Variants in CASK observed in about 807,000 individuals in gnomAD.
CASK encodes the protein peripheral plasma membrane protein CASK.
Under a neutral mutation model 82.9 loss-of-function variants are expected in CASK, and 4 were observed. That is an observed-to-expected ratio of 0.05 (90% confidence interval 0.02 to 0.11). CASK has a LOEUF of 0.11. Among genes scored for constraint, CASK ranks in the 10% least tolerant of loss-of-function variants. The pLI, the probability that CASK is intolerant of heterozygous loss-of-function variation, is 1.00. For missense variants in CASK, 358 were observed against 720.9 expected, an observed-to-expected ratio of 0.50 and a Z score of 5.76; for synonymous variants, 259 against 253.5, an observed-to-expected ratio of 1.02 and a Z score of -0.20.
At chrX:41,614,498 C>T (rs890919260) in intron 11 of CASK, among the ~76,000 whole-genome samples, 4 of 110,526 alleles carry the variant, frequency 3.6e-5, no homozygotes, top group Admixed American at 9.6e-5. Flanking sequence ...TTTGACCATT[C>T]GTCTGTTGAA....
intron 21 of CASK, among the ~76,000 whole-genome samples, chrX:41,549,986 C>A (rs1352786312): frequency 9.2e-6 from 1 of 108,425 alleles, no homozygotes; most frequent in Non-Finnish European, 1.9e-5. Context: ...CTGGTGAAAC[C>A]CTGTCTCTAC....
intron 12 of CASK, among the ~76,000 whole-genome samples, chrX:41,593,972 G>T (rs1161177737): frequency 8.9e-6 from 1 of 111,849 alleles, no homozygotes; most frequent in African/African-American, 3.3e-5. Flanking sequence ...GCAAATGAAA[G>T]GTAGCTGGGT....
chrX:41,592,797 C>T (rs1364025988), intron 12 of CASK, among the ~76,000 whole-genome samples: 3 of 111,750 alleles, frequency 2.7e-5, no homozygotes, highest in African/African-American at 9.8e-5. Flanking sequence ...TTAACATATA[C>T]TCATTCACTT....
chrX:41,601,680 C>G (rs924971607), intron 12 of CASK, among the ~76,000 whole-genome samples: 2 of 111,350 alleles, frequency 1.8e-5, no homozygotes, highest in Non-Finnish European at 3.8e-5. Context: ...CGTAATCCCC[C>G]CAAATTCCCT....
At chrX:41,863,462 A>C (rs989070909) in intron 1 of CASK, among the ~76,000 whole-genome samples, 5 of 112,058 alleles carry the variant, frequency 4.5e-5, no homozygotes, top group African/African-American at 1.6e-4. Context: ...GAAGCCCAGA[A>C]AGGAAAAAGA....
In CASK at chrX:41,561,723, T is replaced by G. The variant is rs1020880215; in HGVS notation, c.1583-79A>C. On this transcript the variant is annotated intron_variant, in intron 16 of 26. Transcript: ENST00000378163. ...CAAAATCCAGAGGCATCAATGTAAT[T>G]TTTAAAAACTAAGTTGAATATTGAG... The G allele has an allele frequency of 4.0e-6, 3 of 749,114 alleles. No individual in the cohort carries two copies. In the African/African-American group the frequency reaches 6.3e-5, roughly 16 times the overall value. The allele number at this position is 749,114 out of a possible 1,213,427, so 61.7% of individuals were successfully genotyped here. A position where few individuals can be genotyped will look rare whatever the true frequency, so the allele number is the denominator to read the frequency against.
At chrX:41,567,755 TTATAAATCATGCTAC>T (rs1365053624) in intron 16 of CASK, among the ~76,000 whole-genome samples, 2 of 111,569 alleles carry the variant, frequency 1.8e-5, no homozygotes, top group East Asian at 5.5e-4. Context: ...ACCTAAAGGA[TTATAAATCATGCTAC>T]TATAAAGACA....
At chrX:41,783,139 T>TAAAAAC (rs760164625) in intron 3 of CASK, among the ~76,000 whole-genome samples, 7 of 108,982 alleles carry the variant, frequency 6.4e-5, no homozygotes, top group Non-Finnish European at 1.2e-4. Flanking sequence ...GTGAGACTGT[T>TAAAAAC]AAAAACAAAA....
intron 2 of CASK, among the ~76,000 whole-genome samples, chrX:41,840,314 TAAG>T (rs896727035): frequency 3.6e-5 from 4 of 112,414 alleles, no homozygotes; most frequent in Non-Finnish European, 7.5e-5. Context: ...TGCTTATACA[TAAG>T]CAGTTCAATT....
At chrX:41,910,784 G>C (rs2072548759) in intron 1 of CASK, among the ~76,000 whole-genome samples, 1 of 112,104 alleles carries the variant, frequency 8.9e-6, no homozygotes, top group African/African-American at 3.2e-5. Context: ...TCCCTCTCCA[G>C]ATACCCACAC....
intron 17 of CASK, among the ~76,000 whole-genome samples, chrX:41,560,225 T>C (rs1418820045): frequency 2.7e-5 from 3 of 112,017 alleles, no homozygotes; most frequent in Non-Finnish European, 5.6e-5. Context: ...ATTATAATGG[T>C]GTACCCCATA....
At chrX:41,766,104 GAAAC>G (rs889457741) in intron 3 of CASK, among the ~76,000 whole-genome samples, 3 of 111,584 alleles carry the variant, frequency 2.7e-5, no homozygotes, top group Non-Finnish European at 3.8e-5. Flanking sequence ...AAAACAAACT[GAAAC>G]AAACAAACAA....
intron 12 of CASK, among the ~76,000 whole-genome samples, chrX:41,592,425 G>A (rs190226859): frequency 9.0e-6 from 1 of 110,845 alleles, no homozygotes; most frequent in East Asian, 2.8e-4. Flanking sequence ...TTTAATAAAT[G>A]CACATCAATT....
chrX:41,852,885 G>A lies in CASK; in HGVS notation c.172+230C>T, dbSNP rs781589493. On this transcript the variant is annotated intron_variant, in intron 2 of 26. Transcript: ENST00000378163. Reference sequence around the variant, plus strand: ...CTTTCTTCCTAGTCAAAAAACATAGGCCCATAGAAATCCTAGATGATTTTA... The same window carrying A: ...CTTTCTTCCTAGTCAAAAAACATAGACCCATAGAAATCCTAGATGATTTTA... Among the ~76,000 whole-genome samples the A allele has an allele frequency of 4.5e-5, 5 of 110,182 alleles. No individual in the cohort carries two copies. The South Asian group carries it at 1.5e-3, about 34-fold the overall frequency.
intron 16 of CASK, among the ~76,000 whole-genome samples, chrX:41,565,658 C>A (rs1273606343): frequency 9.0e-6 from 1 of 111,558 alleles, no homozygotes. Context: ...ACCGGAGGTA[C>A]AAAGAGGAGC....
intron 5 of CASK, among the ~76,000 whole-genome samples, chrX:41,725,145 A>G (rs766784509): frequency 1.8e-5 from 2 of 112,091 alleles, no homozygotes; most frequent in Non-Finnish European, 3.8e-5. Context: ...AAATAAAAAT[A>G]GCAAAGAAAT....
chrX:41,532,195 CA>C (rs2064814191), intron 24 of CASK, among the ~76,000 whole-genome samples: 1 of 112,235 alleles, frequency 8.9e-6, no homozygotes, highest in Non-Finnish European at 1.9e-5. Flanking sequence ...CTCAGTCTCC[CA>C]AAGTGCTGGG....
intron 3 of CASK, among the ~76,000 whole-genome samples, chrX:41,773,972 T>G (rs2069299907): frequency 1.8e-5 from 2 of 111,759 alleles, no homozygotes; most frequent in Admixed American, 9.5e-5. Flanking sequence ...TAAAAGTATT[T>G]TTCTTTCTTC....
intron 19 of CASK, chrX:41,555,920 G>T: frequency 7.1e-6 from 1 of 141,186 alleles, no homozygotes; most frequent in Non-Finnish European, 1.1e-5. Flanking sequence ...AAGTGAAACA[G>T]CCTATTAAAA....
Sources: allele counts gnomAD v4.1 joint callset (sites outside exome capture counted in the v4.1 genomes callset), GRCh38; gene constraint gnomAD v4.1.1; transcripts MANE v1.5; gene names NCBI Gene and HGNC (gene_info 2026-07-23, HGNC 2026-07-21).